The following AP1G2 variants were observed in gnomAD, a reference collection of about 807,000 sequenced individuals.
AP1G2 encodes the protein adaptor related protein complex 1 subunit gamma 2, also known as AP-1 complex subunit gamma-like 2.
In AP1G2, 85 loss-of-function variants were observed where a neutral mutation model predicts 95.8. The ratio of observed to expected loss-of-function variants is 0.89; its 90% CI spans 0.74 to 1.06. The LOEUF is 1.06. Ranked by LOEUF, AP1G2 falls within the 50% of genes least tolerant of loss-of-function variation. The probability of loss-of-function intolerance (pLI) is 0.00; values close to 1 mark genes in which losing one functional copy is unlikely to be tolerated. For missense variants in AP1G2, 967 were observed against 1,005.8 expected, an observed-to-expected ratio of 0.96 and a Z score of 0.52; for synonymous variants, 378 against 400.0, an observed-to-expected ratio of 0.94 and a Z score of 0.66.
intron 17 of AP1G2, 81 bp from the exon 18 acceptor site, chr14:23,561,716 A>G: frequency 1.3e-6 from 2 of 1,567,360 alleles, no homozygotes; most frequent in Non-Finnish European, 1.7e-6. Context: ...GACTAGGAAT[A>G]TGGAGCCCTG....
chr14:23,566,201 G>C, intron 4 of AP1G2, 41 bp from the exon 5 acceptor site: 3 of 1,596,008 alleles, frequency 1.9e-6, no homozygotes, highest in Non-Finnish European at 2.6e-6. Flanking sequence ...CAGAGGAGAT[G>C]GACCCCTGCA....
At chr14:23,562,709 C>T in intron 14 of AP1G2, 116 bp from the exon 15 acceptor site, 1 of 984,108 alleles carries the variant, frequency 1.0e-6, no homozygotes, top group Non-Finnish European at 1.5e-6. Flanking sequence ...TCAAGACCAG[C>T]CTGGGCAACA....
In AP1G2 at chr14:23,566,305, CA is replaced by C. The variant is rs1424054606; in HGVS notation, c.443del (p.Leu148ArgfsTer13). The C allele has an allele frequency of 5.6e-6, 9 of 1,613,970 alleles. No homozygotes were observed. Among genetic ancestry groups the C allele is most frequent in the Non-Finnish European group, 7.6e-6 (9 of 1,180,020 alleles). On this transcript the variant is annotated frameshift_variant, in exon 4 of 22. Transcript: ENST00000397120. LOFTEE classifies it high-confidence loss of function. ...DLAPEVEKLLLQPSPYVRKKA... is the reference protein window; with the variant it reads ...DLAPEVEKLLXQPSPYVRKKA... ...TCTTGCGCACGTAGGGACTGGGCTG[CA>C]GGAGCAGTTTCTCCACCTCTGGGGC...
chr14:23,563,232 A>G, intron 14 of AP1G2, 148 bp downstream of exon 14: 1 of 1,452,354 alleles, frequency 6.9e-7, no homozygotes, highest in Non-Finnish European at 9.1e-7. Context: ...ATGTTCTTAA[A>G]AACAGGGCTC....
Position 23,562,357 on chromosome 14 carries a change from AG to A in AP1G2, c.1558del (p.Leu520CysfsTer13). 6.2e-7 allele frequency: 1 copy of A among 1,614,212 alleles called. No individual in the cohort carries two copies. ...GAGGGCATATCCTCGAGTGGCTGGCAGGGACATGTGGGACTGCAGCACCTTT... is the reference window on the plus strand; with the variant it reads ...GAGGGCATATCCTCGAGTGGCTGGCAGGACATGTGGGACTGCAGCACCTTT... Reference protein sequence around the residue: ...LEKVLQSHMSLPATRGYALTA... With the variant: ...LEKVLQSHMSXPATRGYALTA... On this transcript the variant is annotated frameshift_variant, in exon 16 of 22. Coordinates refer to ENST00000397120, the MANE Select transcript of AP1G2 (RefSeq NM_003917.5). LOFTEE classifies it high-confidence loss of function.
intron 9 of AP1G2, 69 bp from the exon 10 acceptor site, chr14:23,564,457 C>T: frequency 6.2e-7 from 1 of 1,605,262 alleles, no homozygotes. Flanking sequence ...ACTGGGAACA[C>T]ATTGGCGCAA....
At chr14:23,566,955 T>G in intron 2 of AP1G2, 156 bp downstream of exon 2, 1 of 936,264 alleles carries the variant, frequency 1.1e-6, no homozygotes, top group Non-Finnish European at 1.6e-6. Flanking sequence ...TGATGACCAG[T>G]AGGGGTAGCA....
intron 2 of AP1G2, 116 bp downstream of exon 2, chr14:23,566,995 T>A: frequency 2.6e-6 from 3 of 1,170,124 alleles, no homozygotes; most frequent in Non-Finnish European, 3.5e-6. Flanking sequence ...GTGCAGGCTG[T>A]GAAGACTCTG....
Position 23,561,590 on chromosome 14 carries a change from A to C in AP1G2, c.1779T>G (p.Pro593=). Residue 593 remains proline, a synonymous_variant, in exon 18 of 22, where the codon CCT becomes CCG. Coordinates refer to ENST00000397120, the MANE Select transcript of AP1G2 (RefSeq NM_003917.5). ...EKMPLVERDG[P]QADEEAKESK... ...TTTCCTTTGCTTCCTCATCAGCCTGAGGGCCATCTCGCTCCACAAGAGGCA... is the reference window on the plus strand; with the variant it reads ...TTTCCTTTGCTTCCTCATCAGCCTGCGGGCCATCTCGCTCCACAAGAGGCA... 1 of 1,614,092 alleles carries C rather than the reference A, an allele frequency of 6.2e-7. No individual in the cohort carries two copies. The highest frequency in any genetic ancestry group is 1.3e-5 in the African/African-American group (1 of 74,996).
Position 23,563,173 on chromosome 14 carries a change from A to G in AP1G2, c.1410+207T>C, listed in dbSNP as rs535412825. The G allele has an allele frequency of 3.0e-4, 435 of 1,430,300 alleles. 1 individual carries two copies. Among genetic ancestry groups the G allele is most frequent in the Non-Finnish European group, 3.7e-4 (402 of 1,095,870 alleles). 88.6% of individuals were successfully genotyped at this position (1,430,300 alleles called of 1,614,324 possible). On this transcript the variant is annotated intron_variant, in intron 14 of 21. Coordinates refer to ENST00000397120, the MANE Select transcript of AP1G2 (RefSeq NM_003917.5). ...ACATGGAGCATAAGGGAAGTTAGTC[A>G]TCTGTAGTTACATAACCAGGAGGTA...
chr14:23,563,639 C>G lies in AP1G2; in HGVS notation c.1233-1G>C. 6.2e-7 allele frequency: 1 copy of G among 1,614,152 alleles called. No homozygotes were observed. Among genetic ancestry groups the G allele is most frequent in the Non-Finnish European group, 8.5e-7 (1 of 1,180,020 alleles). ...GTGCCAGCGTTTGGTTGGAGCAAAC[C>G]TAGGGGATATATGGCTCATCAGTCC... On this transcript the variant is annotated splice_acceptor_variant, in intron 12 of 21. Transcript: ENST00000397120. LOFTEE classifies it high-confidence loss of function.
chr14:23,562,375 AG>A lies in AP1G2; in HGVS notation c.1540del (p.Leu514CysfsTer19), dbSNP rs763872915. 1.2e-6 allele frequency: 2 copies of A among 1,614,186 alleles called. No homozygotes were observed. Among genetic ancestry groups the A allele is most frequent in the Non-Finnish European group, 1.7e-6 (2 of 1,180,014 alleles). ...EEVLALLEKV[L>X]QSHMSLPATR... is the part of the protein sequence containing the mutation. ...GGCTGGCAGGGACATGTGGGACTGC[AG>A]CACCTTTTCCAGCAATGCCAGCACT... On this transcript the variant is annotated frameshift_variant, in exon 16 of 22. Transcript: ENST00000397120. LOFTEE classifies it high-confidence loss of function.
chr14:23,560,011 G>T lies in AP1G2; in HGVS notation c.2183C>A (p.Pro728His). ...CCGAGCTGGAACTGTGTTCCCACTG[G>T]GGGCCTGCAGCTGCAGCTGGAGACT... ...PKSLQLQLQA[P>H]SGNTVPARGG... Residue 728 changes from proline to histidine, a missense_variant, in exon 21 of 22, where the codon CCC becomes CAC. By Grantham distance (77) the Pro-to-His change is moderately conservative (BLOSUM62 -2). Transcript: ENST00000397120. 6.2e-7 allele frequency: 1 copy of T among 1,610,816 alleles called. No homozygotes were observed.
chr14:23,560,567 T>C (rs1227524907), intron 19 of AP1G2, 149 bp from the exon 20 acceptor site: 1 of 771,898 alleles, frequency 1.3e-6, no homozygotes, highest in Non-Finnish European at 2.0e-6. Flanking sequence ...GGATGGAGCT[T>C]ACTGTCTAAT....
chr14:23,562,886 T>C, intron 14 of AP1G2: 1 of 512,948 alleles, frequency 1.9e-6, no homozygotes. Flanking sequence ...GAAAGGGAAG[T>C]TTGTTACCTG....
chr14:23,564,348 C>T lies in AP1G2; in HGVS notation c.962G>A (p.Ser321Asn). The T allele has an allele frequency of 6.2e-7, 1 of 1,614,200 alleles. No individual in the cohort carries two copies. Residue 321 changes from serine to asparagine, a missense_variant, in exon 10 of 22, where the codon AGT becomes AAT. Transcript: ENST00000397120. Reference protein sequence around the residue: ...VNILGRFLLNSDRNIRYVALT... With the variant: ...VNILGRFLLNNDRNIRYVALT... ...GGACTATTACCTAATGTTCCTGTCACTGTTGAGTAGGAAGCGACCAAGAAT... is the reference window on the plus strand; with the variant it reads ...GGACTATTACCTAATGTTCCTGTCATTGTTGAGTAGGAAGCGACCAAGAAT...
Position 23,567,038 on chromosome 14 carries a change from C to T in AP1G2, c.204+73G>A. The T allele has an allele frequency of 4.8e-6, 7 of 1,471,760 alleles. No homozygotes were observed. In the South Asian group the frequency reaches 8.7e-5, roughly 18 times the overall value. 91.2% of individuals were successfully genotyped at this position (1,471,760 alleles called of 1,614,324 possible). ...AGAATTTAAAAAACCAGGGCATAAA[C>T]AGGTGAGAGAGTCTGGGACTCTGCC... is the stretch of plus-strand genomic sequence containing the variant. On this transcript the variant is annotated intron_variant, in intron 2 of 21. Coordinates refer to ENST00000397120, the MANE Select transcript of AP1G2 (RefSeq NM_003917.5). This position sits in a 1 kb window ranked among gnomAD's most constrained non-coding sequence, Gnocchi z 5.3.
chr14:23,567,515 C>A lies in AP1G2; in HGVS notation c.-5-196G>T. ...CCGCCCGAGAAGCCCACTACGCATG[C>A]GTCCGCACCCCACCGGCGCCCCTTC... is the stretch of plus-strand genomic sequence containing the variant. On this transcript the variant is annotated intron_variant, in intron 1 of 21. Transcript: ENST00000397120. The surrounding 1 kb of genome is among the most constrained non-coding windows in gnomAD (Gnocchi z 5.3). 7.3e-7 allele frequency: 1 copy of A among 1,367,654 alleles called. No homozygotes were observed. Among genetic ancestry groups the A allele is most frequent in the Non-Finnish European group, 9.4e-7 (1 of 1,068,824 alleles). The allele number at this position is 1,367,654 out of a possible 1,614,324, so 84.7% of individuals were successfully genotyped here. A position where few individuals can be genotyped will look rare whatever the true frequency, so the allele number is the denominator to read the frequency against.
chr14:23,560,509 G>A, intron 19 of AP1G2, 91 bp from the exon 20 acceptor site: 1 of 1,328,082 alleles, frequency 7.5e-7, no homozygotes, highest in Non-Finnish European at 1.0e-6. Flanking sequence ...AACACCTACT[G>A]GCCCTGCACT....
Sources: gnomAD v4.1 joint callset for allele counts on GRCh38, gnomAD v4.1.1 for gene constraint, Gnocchi (gnomAD v3.1) non-coding constraint, MANE v1.5 for transcripts, NCBI Gene and HGNC (gene_info 2026-07-23, HGNC 2026-07-21) for gene names.